Variants in SLC2A9 observed in about 807,000 individuals in gnomAD.
SLC2A9 encodes the protein solute carrier family 2 member 9, also known as solute carrier family 2, facilitated glucose transporter member 9.
Under a neutral mutation model 50.6 loss-of-function variants are expected in SLC2A9, and 39 were observed. The ratio of observed to expected loss-of-function variants is 0.77; its 90% CI spans 0.60 to 1.01. The LOEUF (loss-of-function observed/expected upper bound fraction) is 1.01, where lower values mean the gene tolerates loss of function less well. Among genes scored for constraint, SLC2A9 ranks in the 50% least tolerant of loss-of-function variants. SLC2A9 has a pLI of 0.00. For missense variants in SLC2A9, 686 were observed against 677.6 expected (o/e 1.01, Z -0.14); for synonymous variants, 324 against 276.9 (o/e 1.17, Z -1.69).
At chr4:9,856,803 G>A (rs994691855) in intron 10 of SLC2A9, among the ~76,000 whole-genome samples, 82 of 152,196 alleles carry the variant, frequency 5.4e-4, no homozygotes, top group Non-Finnish European at 1.1e-3. Flanking sequence ...AAAAGATCAC[G>A]TCTTTTGCAG....
chr4:9,998,862 G>A lies in SLC2A9; in HGVS notation c.250-1921C>T, dbSNP rs146439048. ...TGTCCAAACACACATGGGAAAACCT[G>A]GCAAAAATAACACCAACCAAAAGCA... is the stretch of plus-strand genomic sequence containing the variant. On this transcript the variant is annotated intron_variant, in intron 2 of 11. Coordinates refer to ENST00000264784, the MANE Select transcript of SLC2A9 (RefSeq NM_020041.3). Among the ~76,000 whole-genome samples, 297 of 152,170 alleles carry A rather than the reference G, an allele frequency of 2.0e-3. 1 individual carries two copies. Among genetic ancestry groups the A allele is most frequent in the African/African-American group, 6.7e-3 (279 of 41,520 alleles).
At chr4:9,898,095 G>T (rs934456527) in intron 8 of SLC2A9, among the ~76,000 whole-genome samples, 9 of 152,130 alleles carry the variant, frequency 5.9e-5, no homozygotes, top group African/African-American at 2.2e-4. Context: ...TTGCTCTCAG[G>T]CTTCTGGCCT....
chr4:9,974,448 AG>A (rs1361065309), intron 5 of SLC2A9, among the ~76,000 whole-genome samples: 3 of 152,280 alleles, frequency 2.0e-5, no homozygotes, highest in Middle Eastern at 3.4e-3. Flanking sequence ...AAAAATCAGT[AG>A]TATTTCTATA....
At chr4:9,783,187 G>A (rs1306196595) in intron 3 of SLC2A9, 6 of 1,614,036 alleles carry the variant, frequency 3.7e-6, no homozygotes, top group South Asian at 2.2e-5. Context: ...CGGTGGAGAC[G>A]GTGAACATCA....
chr4:9,879,336 A>C, intron 10 of SLC2A9: 1 of 985,102 alleles, frequency 1.0e-6, no homozygotes, highest in Non-Finnish European at 1.2e-6. Context: ...GCACATGCAA[A>C]GGCTGAGACC....
intron 3 of SLC2A9, among the ~76,000 whole-genome samples, chr4:9,990,090 T>C (rs1013538451): frequency 6.6e-6 from 1 of 152,162 alleles, no homozygotes; most frequent in African/African-American, 2.4e-5. Flanking sequence ...GTTACTTGGC[T>C]GTGCTCCCCG....
At chr4:9,788,578 G>C (rs1719514599) in intron 3 of SLC2A9, among the ~76,000 whole-genome samples, 1 of 152,012 alleles carries the variant, frequency 6.6e-6, no homozygotes, top group Admixed American at 6.6e-5. Context: ...ATGGGACCTG[G>C]GGACACATGT....
At chr4:9,979,693 T>C (rs1755382198) in intron 5 of SLC2A9, among the ~76,000 whole-genome samples, 1 of 152,086 alleles carries the variant, frequency 6.6e-6, no homozygotes, top group Non-Finnish European at 1.5e-5. Flanking sequence ...AGCCACCTTC[T>C]AACACTGATC....
At chr4:9,860,583 A>ATTCATTTCG (rs1731448997) in intron 10 of SLC2A9, among the ~76,000 whole-genome samples, 1 of 152,232 alleles carries the variant, frequency 6.6e-6, no homozygotes, top group Non-Finnish European at 1.5e-5. Flanking sequence ...TTCAAGACTC[A>ATTCATTTCG]TTCATTTCGT....
chr4:9,822,187 G>A (rs1002251498), downstream of SLC2A9, among the ~76,000 whole-genome samples: 4 of 152,132 alleles, frequency 2.6e-5, no homozygotes, highest in Non-Finnish European at 4.4e-5. Flanking sequence ...GGTTAGCCTG[G>A]ATAGAGGTTT....
intron 5 of SLC2A9, among the ~76,000 whole-genome samples, chr4:9,972,410 G>A (rs1031231421): frequency 6.6e-6 from 1 of 152,124 alleles, no homozygotes; most frequent in Non-Finnish European, 1.5e-5. Flanking sequence ...TCACATAAAT[G>A]TTCAGCCATG....
At chr4:10,028,563 T>A (rs1578389622) in intron 1 of SLC2A9, among the ~76,000 whole-genome samples, 1 of 122,556 alleles carries the variant, frequency 8.2e-6, no homozygotes, top group East Asian at 6.7e-4. Context: ...TAGAGACCAA[T>A]AATAATGCAT....
chr4:9,789,395 C>T (rs1016428465), intron 3 of SLC2A9, among the ~76,000 whole-genome samples: 7 of 152,170 alleles, frequency 4.6e-5, no homozygotes, highest in Admixed American at 2.0e-4. Flanking sequence ...GAGTACAGGG[C>T]AGAACCTTCC....
At chr4:9,908,982 T>C (rs1010688663) in intron 7 of SLC2A9, among the ~76,000 whole-genome samples, 1 of 152,158 alleles carries the variant, frequency 6.6e-6, no homozygotes. Context: ...ACTAGGTGAC[T>C]TCAGAACAGC....
At chr4:9,803,901 C>T (rs570982279) in intron 3 of SLC2A9, among the ~76,000 whole-genome samples, 3 of 152,218 alleles carry the variant, frequency 2.0e-5, no homozygotes, top group East Asian at 3.9e-4. Context: ...CAATAATCAC[C>T]AAGATAGATT....
At chr4:9,904,675 T>C (rs1740300206) in intron 8 of SLC2A9, among the ~76,000 whole-genome samples, 1 of 152,216 alleles carries the variant, frequency 6.6e-6, no homozygotes, top group African/African-American at 2.4e-5. Flanking sequence ...TAAATTCAGA[T>C]GTGTTGGGCA....
Position 10,019,051 on chromosome 4 carries a change from A to G in SLC2A9, c.173T>C (p.Val58Ala), listed in dbSNP as rs1162538750. Residue 58 changes from valine (V) to alanine (A), a missense_variant, in exon 2 of 12, where the codon GTG (valine) becomes GCG (alanine). Coordinates refer to ENST00000264784, the MANE Select transcript of SLC2A9 (RefSeq NM_020041.3). ...GCCGAAGGCGCCCGCGAGGGAGGCC[A>G]CGAGGAGCGAGCAGGACCAGTCCTG... ...RRKDWSCSLL[V>A]ASLAGAFGSS... The G allele has an allele frequency of 1.3e-6, 2 of 1,551,050 alleles. No individual in the cohort carries two copies. Among genetic ancestry groups the G allele is most frequent in the Non-Finnish European group, 1.7e-6 (2 of 1,146,968 alleles).
Position 9,803,477 on chromosome 4 carries a change from G to T in SLC2A9, n.421-4236C>A, listed in dbSNP as rs114623250. On this transcript the variant is annotated intron_variant and non_coding_transcript_variant, in intron 3 of 3. Transcript: ENST00000503280. ...TACAGATGAGAAACTGAGGCTCAAA[G>T]AACTTATGTCACTTTCTTAAGGTCC... is the stretch of plus-strand genomic sequence containing the variant. 9.4e-3 allele frequency among the ~76,000 whole-genome samples: 1,429 copies of T among 152,284 alleles called. 31 individuals are homozygous for T. The highest frequency in any genetic ancestry group is 0.032 in the African/African-American group (1,343 of 41,544).
At chr4:9,946,034 C>T (rs4339211) in intron 5 of SLC2A9, among the ~76,000 whole-genome samples, 74,367 of 151,978 alleles carry the variant, frequency 0.49, 19,646 homozygotes, top group African/African-American at 0.68. Flanking sequence ...GACCATGAGG[C>T]GCCACCAAAC....
Sources: allele counts gnomAD v4.1 joint callset (sites outside exome capture counted in the v4.1 genomes callset), GRCh38; gene constraint gnomAD v4.1.1; transcripts MANE v1.5; gene names NCBI Gene and HGNC (gene_info 2026-07-23, HGNC 2026-07-21).